Variants in THAP12 observed in about 807,000 individuals in gnomAD.
THAP12 encodes 52 kDa repressor of the inhibitor of the protein kinase.
In THAP12, 20 loss-of-function variants were observed where a neutral mutation model predicts 63.0. The observed-to-expected ratio is 0.32, with a 90% CI of 0.22 to 0.46. THAP12 has a LOEUF of 0.46. Ranked by LOEUF, THAP12 falls within the 20% of genes least tolerant of loss-of-function variation. The pLI is 1.00. For synonymous variants in THAP12, 264 were observed against 328.4 expected (o/e 0.80, Z 2.12); for missense variants, 568 against 908.2 (o/e 0.63, Z 4.81).
chr11:76,355,618 T>C lies in THAP12; in HGVS notation c.355A>G (p.Ile119Val). The change falls in exon 4 of 5, where the codon ATT (isoleucine) becomes GTT (valine). Residue 119 changes from isoleucine (I) to valine (V), a missense_variant and splice_region_variant. Transcript: ENST00000260045. Reference sequence around the variant, plus strand: ...TTGAGTCATTAACACTATCACTTACTTTTTTTCTGTTTCAGTGTCCTGATT... The same window carrying C: ...TTGAGTCATTAACACTATCACTTACCTTTTTTCTGTTTCAGTGTCCTGATT... The part of the protein sequence containing the change: ...DEIRTLKQKK[I>V]DETSEQEQKH... The C allele has an allele frequency of 6.3e-7, 1 of 1,595,424 alleles. No individual in the cohort carries two copies. Among genetic ancestry groups the C allele is most frequent in the Non-Finnish European group, 8.5e-7 (1 of 1,172,018 alleles).
chr11:76,354,187 C>G (rs1946545658), intron 4 of THAP12, among the ~76,000 whole-genome samples: 1 of 152,186 alleles, frequency 6.6e-6, no homozygotes, highest in Admixed American at 6.5e-5. Context: ...AAAGGGAAAT[C>G]TAGTCTGACC....
At chr11:76,370,830 GAAA>G (rs371784735) in intron 1 of THAP12, among the ~76,000 whole-genome samples, 4 of 135,542 alleles carry the variant, frequency 3.0e-5, no homozygotes, top group African/African-American at 8.3e-5. Flanking sequence ...CAAAAAAAAA[GAAA>G]AAAAAAAAAA....
intron 3 of THAP12, chr11:76,357,483 A>C (rs555541135): frequency 2.6e-5 from 4 of 152,318 alleles, no homozygotes; most frequent in Admixed American, 6.5e-5. Context: ...ATAAAAAAAA[A>C]ACTCACATCT....
chr11:76,377,955 CT>C (rs1362041284), intron 1 of THAP12, among the ~76,000 whole-genome samples: 10 of 152,152 alleles, frequency 6.6e-5, no homozygotes. Flanking sequence ...TGTAAGAGTT[CT>C]TTATATATTC....
At chr11:76,365,798 TGA>T (rs145091084) in intron 2 of THAP12, 52 bp downstream of exon 2, 5 of 1,571,256 alleles carry the variant, frequency 3.2e-6, no homozygotes, top group South Asian at 2.3e-5. Context: ...CCAGACACAG[TGA>T]GAGAGAGAAA....
chr11:76,352,867 G>A, intron 4 of THAP12, 73 bp from the exon 5 acceptor site: 1 of 1,439,072 alleles, frequency 6.9e-7, no homozygotes, highest in Non-Finnish European at 9.2e-7. Context: ...TTACATCTTT[G>A]GTTAAATATT....
At chr11:76,380,436 C>G (rs565469494) in intron 1 of THAP12, among the ~76,000 whole-genome samples, 56 of 152,350 alleles carry the variant, frequency 3.7e-4, no homozygotes, top group African/African-American at 1.3e-3. Flanking sequence ...CCCGAGGTCA[C>G]ACAGCAAGTG....
chr11:76,373,718 C>CAAA (rs61579449), intron 1 of THAP12, among the ~76,000 whole-genome samples: 4 of 142,624 alleles, frequency 2.8e-5, no homozygotes, highest in African/African-American at 5.2e-5. Context: ...TAAGACCCCT[C>CAAA]AAAAAAAAAA....
intron 4 of THAP12, 122 bp from the exon 5 acceptor site, chr11:76,352,916 A>G (rs980926727): frequency 1.9e-5 from 22 of 1,176,976 alleles, no homozygotes; most frequent in Non-Finnish European, 2.4e-5. Context: ...TTCATAGGGT[A>G]TTTACTAGAC....
rs150685559 is a variant in THAP12, at chr11:76,364,769, T to C, written c.210+1083A>G. 1.9e-3 allele frequency among the ~76,000 whole-genome samples: 284 copies of C among 152,324 alleles called. 1 individual carries two copies. Among genetic ancestry groups the C allele is most frequent in the African/African-American group, 6.3e-3 (262 of 41,564 alleles). On this transcript the variant is annotated intron_variant, in intron 2 of 4. Transcript: ENST00000260045. ...GATGAAAATGTTTTTCCACATTACC[T>C]GGATAATTTGTTTACCATTATATCT...
intron 1 of THAP12, among the ~76,000 whole-genome samples, chr11:76,377,297 T>C (rs1946718123): frequency 6.6e-6 from 1 of 152,198 alleles, no homozygotes; most frequent in Non-Finnish European, 1.5e-5. Context: ...AAAAAACTAA[T>C]GGCAATTAAC....
intron 1 of THAP12, among the ~76,000 whole-genome samples, chr11:76,376,595 G>A (rs920269345): frequency 6.1e-5 from 9 of 146,908 alleles, no homozygotes; most frequent in East Asian, 2.0e-4. Context: ...CTTTGTCTTC[G>A]AATGCTAAAT....
In THAP12 at chr11:76,354,243, A is replaced by G. The variant is rs1946545863; in HGVS notation, c.355+1375T>C. ...TTCAGAGCTTCATAAGGGTTCAGAA[A>G]AATGCAGGGAGCATCCTTCCTTCAC... On this transcript the variant is annotated intron_variant, in intron 4 of 4. Transcript: ENST00000260045. Among the ~76,000 whole-genome samples, 6 of 152,164 alleles carry G rather than the reference A, an allele frequency of 3.9e-5. No homozygotes were observed. The South Asian group carries it at 1.2e-3, about 31-fold the overall frequency.
intron 1 of THAP12, among the ~76,000 whole-genome samples, chr11:76,373,780 T>A (rs999381089): frequency 3.9e-5 from 6 of 152,082 alleles, no homozygotes; most frequent in African/African-American, 1.4e-4. Context: ...TCAAACTTCA[T>A]AGTCCCAGGA....
At position 76,357,932 on chromosome 11, in the gene THAP12, T is replaced by C. The variant is rs192125258; in HGVS notation, c.319-2278A>G. 5.9e-5 allele frequency: 9 copies of C among 151,978 alleles called. No homozygotes were observed. In the East Asian group the frequency reaches 1.7e-3, roughly 29 times the overall value. 9.4% of individuals were successfully genotyped at this position (151,978 alleles called of 1,614,324 possible). On this transcript the variant is annotated intron_variant, in intron 3 of 4. Coordinates refer to ENST00000260045, the MANE Select transcript of THAP12 (RefSeq NM_004705.4). ...GCTAGAAAAAGAGTCAAAAAATAAA[T>C]CACCCTAATCAAAGAAAAACCAATA...
intron 3 of THAP12, among the ~76,000 whole-genome samples, chr11:76,359,745 GGAAACCGGGAGGTGGAGGTTGCAGT>G (rs1946585020): frequency 6.6e-6 from 1 of 151,456 alleles, no homozygotes; most frequent in Admixed American, 6.6e-5. Context: ...GAGAATTGCT[GGAAACCGGGAGGTGGAGGTTGCAGT>G]GAGCCAAGAT....
intron 1 of THAP12, among the ~76,000 whole-genome samples, chr11:76,366,960 G>A (rs769609556): frequency 8.6e-5 from 13 of 152,018 alleles, no homozygotes; most frequent in Admixed American, 6.6e-4. Context: ...AGCCAGACAC[G>A]TTCTAAGTCC....
chr11:76,378,151 G>A (rs1946724324), intron 1 of THAP12, among the ~76,000 whole-genome samples: 1 of 152,220 alleles, frequency 6.6e-6, no homozygotes, highest in South Asian at 2.1e-4. Flanking sequence ...AAGCACGGTG[G>A]CTTACACCTG....
In THAP12 at chr11:76,352,286, G is replaced by A. The variant is rs774032141; in HGVS notation, c.864C>T (p.Asn288=). ...VLVRFVDESH[N]LREEFIGFLP... ...GGAAGCCTATAAATTCCTCTCTTAG[G>A]TTATGAGATTCATCAACAAACCTCA... is the stretch of plus-strand genomic sequence containing the variant. The change falls in exon 5 of 5, where the codon AAC becomes AAT. Residue 288 remains asparagine (N), a synonymous_variant. Coordinates refer to ENST00000260045, the MANE Select transcript of THAP12 (RefSeq NM_004705.4). The A allele has an allele frequency of 3.1e-6, 5 of 1,611,680 alleles. No homozygotes were observed. Among genetic ancestry groups the A allele is most frequent in the Non-Finnish European group, 4.2e-6 (5 of 1,179,810 alleles).
Sources: allele counts gnomAD v4.1 joint callset (sites outside exome capture counted in the v4.1 genomes callset), GRCh38; gene constraint gnomAD v4.1.1; transcripts MANE v1.5; gene names NCBI Gene and HGNC (gene_info 2026-07-23, HGNC 2026-07-21).